The following DNM3 variants were observed in gnomAD, a reference collection of about 807,000 sequenced individuals.
DNM3 encodes dynamin 3.
A neutral mutation model predicts 101.6 loss-of-function variants in DNM3; 47 were observed. The ratio of observed to expected loss-of-function variants is 0.46; its 90% confidence interval spans 0.37 to 0.59. The LOEUF is 0.59. Ranked by LOEUF, DNM3 falls within the 20% of genes least tolerant of loss-of-function variation. The probability of loss-of-function intolerance (pLI) is 0.00; values close to 1 mark genes in which losing one functional copy is unlikely to be tolerated. For synonymous variants in DNM3, 385 were observed against 387.9 expected (o/e 0.99, Z 0.09); for missense variants, 849 against 1,085.7 (o/e 0.78, Z 3.06).
intron 2 of DNM3, among the ~76,000 whole-genome samples, chr1:171,986,934 G>T (rs918258511): frequency 2.0e-5 from 3 of 151,964 alleles, no homozygotes; most frequent in Admixed American, 6.6e-5. Context: ...CTCAAAGTAG[G>T]TACAGAAATT....
chr1:171,999,796 A>G lies in DNM3; in HGVS notation c.589+10648A>G, dbSNP rs181601482. 2.6e-5 allele frequency among the ~76,000 whole-genome samples: 4 copies of G among 152,262 alleles called. No homozygotes were observed. In the East Asian group the frequency reaches 7.7e-4, roughly 29 times the overall value. On this transcript the variant is annotated intron_variant, in intron 4 of 20. Transcript: ENST00000627582. ...AGAGAGATTTAAGACAGAGAGAGAC[A>G]AGATAGAAGGCCATGTGAAGATGGA...
intron 15 of DNM3, among the ~76,000 whole-genome samples, chr1:172,296,368 G>A (rs1487370049): frequency 6.6e-6 from 1 of 152,230 alleles, no homozygotes; most frequent in Non-Finnish European, 1.5e-5. Context: ...CAGGCTCAAA[G>A]GCCAAATGGT....
At chr1:172,182,329 A>G (rs79560925) in intron 14 of DNM3, among the ~76,000 whole-genome samples, 1,698 of 152,154 alleles carry the variant, frequency 0.011, 26 homozygotes, top group Middle Eastern at 0.024. Context: ...TTAATTTAGG[A>G]TCTGGCATCA....
chr1:172,074,058 C>G (rs939279730), intron 11 of DNM3, among the ~76,000 whole-genome samples: 1 of 152,094 alleles, frequency 6.6e-6, no homozygotes, highest in Non-Finnish European at 1.5e-5. Flanking sequence ...CCAGTTTACT[C>G]CATCACAAAT....
At chr1:172,180,218 C>T (rs961393276) in intron 14 of DNM3, among the ~76,000 whole-genome samples, 26 of 152,144 alleles carry the variant, frequency 1.7e-4, no homozygotes, top group South Asian at 4.1e-4. Context: ...CTATGTATTT[C>T]GGTTTTTCAA....
chr1:172,178,400 GTATT>G (rs1301043001), intron 14 of DNM3, among the ~76,000 whole-genome samples: 6 of 151,972 alleles, frequency 3.9e-5, no homozygotes, highest in African/African-American at 7.2e-5. Flanking sequence ...TATTTATTGA[GTATT>G]TATTATGTAC....
chr1:171,939,956 T>C (rs1447996848), intron 2 of DNM3, among the ~76,000 whole-genome samples: 2 of 152,152 alleles, frequency 1.3e-5, no homozygotes, highest in Non-Finnish European at 2.9e-5. Flanking sequence ...TTATCCTTCC[T>C]GCTGCTACAG....
At chr1:172,069,021 G>A in intron 11 of DNM3, 116 bp downstream of exon 11, 1 of 725,318 alleles carries the variant, frequency 1.4e-6, no homozygotes, top group Non-Finnish European at 2.3e-6. Context: ...AAAAATAGTG[G>A]AACACAACTA....
At chr1:171,899,441 A>T (rs1241305649) in intron 1 of DNM3, among the ~76,000 whole-genome samples, 1 of 152,218 alleles carries the variant, frequency 6.6e-6, no homozygotes, top group Non-Finnish European at 1.5e-5. Context: ...CCTATGGTGG[A>T]ACGGTAGTAA....
intron 4 of DNM3, among the ~76,000 whole-genome samples, chr1:171,991,496 A>T (rs2045627793): frequency 6.6e-6 from 1 of 152,176 alleles, no homozygotes; most frequent in South Asian, 2.1e-4. Context: ...TGCATAGGGC[A>T]ATGTATGAGA....
chr1:172,272,757 T>A (rs1392939436), intron 15 of DNM3, among the ~76,000 whole-genome samples: 1 of 152,114 alleles, frequency 6.6e-6, no homozygotes, highest in East Asian at 1.9e-4. Flanking sequence ...ATTAGACAAA[T>A]TAACTCTGTC....
chr1:171,979,199 G>A (rs1172059278), intron 2 of DNM3, among the ~76,000 whole-genome samples: 1 of 152,156 alleles, frequency 6.6e-6, no homozygotes, highest in Non-Finnish European at 1.5e-5. Flanking sequence ...CGTGTCAGAT[G>A]CTGCCAAGAC....
chr1:172,339,085 G>C (rs2066573763), intron 17 of DNM3: 2 of 487,946 alleles, frequency 4.1e-6, no homozygotes, highest in South Asian at 3.0e-5. Context: ...GAAAAGTTGG[G>C]GGGAACATCT....
At chr1:171,940,714 A>G (rs536197617) in intron 2 of DNM3, among the ~76,000 whole-genome samples, 67 of 152,234 alleles carry the variant, frequency 4.4e-4, no homozygotes, top group Admixed American at 1.8e-3. Context: ...TTAAATGTCT[A>G]TTTGCCCTTG....
chr1:171,959,343 A>G (rs530491751), intron 2 of DNM3, among the ~76,000 whole-genome samples: 1 of 152,314 alleles, frequency 6.6e-6, no homozygotes, highest in East Asian at 1.9e-4. Context: ...ACAGATACAT[A>G]AGTAGAAATA....
intron 15 of DNM3, among the ~76,000 whole-genome samples, chr1:172,268,573 G>A (rs1343003567): frequency 6.6e-6 from 1 of 152,146 alleles, no homozygotes; most frequent in Non-Finnish European, 1.5e-5. Context: ...ATGGATTGGA[G>A]AACCAAAATT....
intron 17 of DNM3, among the ~76,000 whole-genome samples, chr1:172,332,471 G>A (rs373411929): frequency 1.3e-5 from 2 of 152,046 alleles, no homozygotes; most frequent in African/African-American, 2.4e-5. Flanking sequence ...TGCCACATCC[G>A]GCTAATGTTT....
chr1:172,255,298 C>G (rs1189451691), intron 15 of DNM3, among the ~76,000 whole-genome samples: 1 of 152,112 alleles, frequency 6.6e-6, no homozygotes, highest in Non-Finnish European at 1.5e-5. Flanking sequence ...GTCTGCCACA[C>G]TGCAGCCAAG....
At chr1:172,351,186 A>T (rs1005031343) in intron 17 of DNM3, among the ~76,000 whole-genome samples, 1 of 152,114 alleles carries the variant, frequency 6.6e-6, no homozygotes, top group African/African-American at 2.4e-5. Context: ...CATGGCAATT[A>T]AAAAAATTTA....
Sources: gnomAD v4.1 joint callset for allele counts (sites outside exome capture counted in the v4.1 genomes callset) on GRCh38, gnomAD v4.1.1 for gene constraint, MANE v1.5 for transcripts, NCBI Gene and HGNC (gene_info 2026-07-23, HGNC 2026-07-21) for gene names.